The following MECOM variants were observed in gnomAD, a reference collection of about 807,000 sequenced individuals.
MECOM encodes histone-lysine N-methyltransferase MECOM.
Under a neutral mutation model 116.3 loss-of-function variants are expected in MECOM, and 13 were observed. The observed-to-expected ratio is 0.11, with a 90% CI of 0.07 to 0.18. The LOEUF (loss-of-function observed/expected upper bound fraction) is 0.18, where lower values mean the gene tolerates loss of function less well. Ranked by LOEUF, MECOM falls within the 10% of genes least tolerant of loss-of-function variation. The pLI, the probability that MECOM is intolerant of heterozygous loss-of-function variation, is 1.00. For synonymous variants in MECOM, 528 were observed against 535.2 expected (o/e 0.99, Z 0.19); for missense variants, 1,299 against 1,509.0 (o/e 0.86, Z 2.31).
At chr3:169,465,529 T>G (rs192058357) in intron 1 of MECOM, among the ~76,000 whole-genome samples, 3 of 152,340 alleles carry the variant, frequency 2.0e-5, no homozygotes, top group Admixed American at 1.3e-4. Context: ...ACACTTTGCT[T>G]GTCTTAGATT....
rs1447384340 is a variant in MECOM at position 169,109,045 on chromosome 3, A to G, written c.2578-1093T>C. Among the ~76,000 whole-genome samples the G allele has an allele frequency of 2.0e-5, 3 of 152,226 alleles. No individual in the cohort carries two copies. In the East Asian group the frequency reaches 5.8e-4, roughly 29 times the overall value. On this transcript the variant is annotated intron_variant, in intron 9 of 16. Coordinates refer to ENST00000651503, the MANE Select transcript of MECOM (RefSeq NM_004991.4). Reference sequence around the variant, plus strand: ...GCCACTTTTACAATAGTGTAATTGCAAAATGACTTCCATGGATGTTCAAAT... The same window carrying G: ...GCCACTTTTACAATAGTGTAATTGCGAAATGACTTCCATGGATGTTCAAAT...
chr3:169,352,923 T>C (rs1726609034), intron 2 of MECOM, among the ~76,000 whole-genome samples: 1 of 151,948 alleles, frequency 6.6e-6, no homozygotes, highest in African/African-American at 2.4e-5. Flanking sequence ...CTCTGCTCTC[T>C]TTGGTGGCCC....
intron 2 of MECOM, among the ~76,000 whole-genome samples, chr3:169,299,179 C>G (rs1271169612): frequency 1.3e-5 from 2 of 152,066 alleles, no homozygotes; most frequent in East Asian, 1.9e-4. Flanking sequence ...CACCTATAGT[C>G]ATTACTCAAG....
intron 1 of MECOM, among the ~76,000 whole-genome samples, chr3:169,524,130 G>C (rs1022530124): frequency 6.7e-6 from 1 of 150,340 alleles, no homozygotes; most frequent in Non-Finnish European, 1.5e-5. Context: ...TCTTATCCCT[G>C]AACCTATCAA....
intron 1 of MECOM, among the ~76,000 whole-genome samples, chr3:169,505,821 C>T (rs1447833341): frequency 6.6e-6 from 1 of 152,138 alleles, no homozygotes; most frequent in Non-Finnish European, 1.5e-5. Context: ...TCATCAAAAC[C>T]CTCTGAAAAT....
chr3:169,658,891 C>T (rs1282681354), intron 1 of MECOM, among the ~76,000 whole-genome samples: 2 of 152,062 alleles, frequency 1.3e-5, no homozygotes, highest in Admixed American at 6.5e-5. Flanking sequence ...CCGAGCCGGG[C>T]GTGCCGGGGG....
intron 1 of MECOM, among the ~76,000 whole-genome samples, chr3:169,474,572 C>CT (rs1276455334): frequency 6.6e-6 from 1 of 152,030 alleles, no homozygotes; most frequent in East Asian, 1.9e-4. Context: ...AAAGTAACTG[C>CT]TTTTTCCCTA....
intron 1 of MECOM, among the ~76,000 whole-genome samples, chr3:169,592,397 T>G (rs1444704737): frequency 6.6e-6 from 1 of 152,130 alleles, no homozygotes; most frequent in East Asian, 1.9e-4. Flanking sequence ...ATTATTTTCC[T>G]CACCCTTTCA....
At chr3:169,301,181 G>A (rs1448205193) in intron 2 of MECOM, among the ~76,000 whole-genome samples, 1 of 152,172 alleles carries the variant, frequency 6.6e-6, no homozygotes, top group Non-Finnish European at 1.5e-5. Flanking sequence ...ATTATTCTCT[G>A]AAAGTGAAAC....
At chr3:169,393,142 C>A (rs931440385) in intron 1 of MECOM, among the ~76,000 whole-genome samples, 2 of 152,060 alleles carry the variant, frequency 1.3e-5, no homozygotes, top group African/African-American at 2.4e-5. Context: ...CTCCCACCAG[C>A]CTACAAATGA....
At chr3:169,639,885 G>C (rs111550694) in intron 1 of MECOM, among the ~76,000 whole-genome samples, 4,765 of 152,212 alleles carry the variant, frequency 0.031, 109 homozygotes, top group Non-Finnish European at 0.048. Context: ...CAAAATCTCA[G>C]TGAGTTATGA....
At chr3:169,342,975 G>C (rs892110357) in intron 2 of MECOM, among the ~76,000 whole-genome samples, 1 of 152,104 alleles carries the variant, frequency 6.6e-6, no homozygotes, top group African/African-American at 2.4e-5. Flanking sequence ...AACTTGCAAA[G>C]ATTGTGTCCT....
rs567406487 is a variant in MECOM at position 169,485,566 on chromosome 3, A to G, written c.38-104042T>C. ...AGTTTGGAGGTGAGAGGAAACTTGA[A>G]GATCATCTCATCCAACATTTTCACT... On this transcript the variant is annotated intron_variant, in intron 1 of 16. Coordinates refer to ENST00000651503, the MANE Select transcript of MECOM (RefSeq NM_004991.4). Among the ~76,000 whole-genome samples, 166 of 152,184 alleles carry G rather than the reference A, an allele frequency of 1.1e-3. 8 individuals are homozygous for G. The South Asian group carries it at 0.034, about 31-fold the overall frequency.
chr3:169,495,808 A>G (rs576171030), intron 1 of MECOM, among the ~76,000 whole-genome samples: 1 of 152,322 alleles, frequency 6.6e-6, no homozygotes, highest in African/African-American at 2.4e-5. Flanking sequence ...CAGTGATGTT[A>G]ATTGATGGCT....
At chr3:169,635,997 A>G (rs1317634008) in intron 1 of MECOM, among the ~76,000 whole-genome samples, 2 of 152,204 alleles carry the variant, frequency 1.3e-5, no homozygotes, top group Non-Finnish European at 2.9e-5. Context: ...GCAGAGCTCC[A>G]ACTTGAAAAA....
At chr3:169,606,592 A>C (rs1010621933) in intron 1 of MECOM, among the ~76,000 whole-genome samples, 1 of 152,150 alleles carries the variant, frequency 6.6e-6, no homozygotes, top group Non-Finnish European at 1.5e-5. Flanking sequence ...AGTGGCTTAA[A>C]CAGGAAAGAA....
intron 2 of MECOM, among the ~76,000 whole-genome samples, chr3:169,169,743 C>A (rs1478495836): frequency 6.6e-6 from 1 of 152,112 alleles, no homozygotes; most frequent in Non-Finnish European, 1.5e-5. Context: ...TCCTGGTTAA[C>A]CATCTTATCA....
intron 2 of MECOM, among the ~76,000 whole-genome samples, chr3:169,352,779 C>G (rs976133998): frequency 1.3e-5 from 2 of 151,868 alleles, no homozygotes; most frequent in Non-Finnish European, 2.9e-5. Flanking sequence ...GACTCAGGAC[C>G]AAATCATTTC....
At chr3:169,102,356 AT>A in intron 10 of MECOM, 130 bp from the exon 11 acceptor site, 3 of 655,674 alleles carry the variant, frequency 4.6e-6, no homozygotes, top group Non-Finnish European at 7.2e-6. Context: ...AGACTGTAGT[AT>A]CCCAATATTA....
Sources: gnomAD v4.1 joint callset for allele counts (sites outside exome capture counted in the v4.1 genomes callset) on GRCh38, gnomAD v4.1.1 for gene constraint, MANE v1.5 for transcripts, NCBI Gene and HGNC (gene_info 2026-07-23, HGNC 2026-07-21) for gene names.